SKP2: variants seen among roughly 807,000 people sequenced by gnomAD.
SKP2 encodes S-phase kinase associated protein 2.
Under a neutral mutation model 51.8 loss-of-function variants are expected in SKP2, and 16 were observed. The ratio of observed to expected loss-of-function variants is 0.31; its 90% confidence interval spans 0.21 to 0.47. The LOEUF (loss-of-function observed/expected upper bound fraction) is 0.47, where lower values mean the gene tolerates loss of function less well. SKP2 is among the 20% of genes least tolerant of loss of function. SKP2 has a pLI of 1.00. For synonymous variants in SKP2, 176 were observed against 198.6 expected, an observed-to-expected ratio of 0.89 and a Z score of 0.96; for missense variants, 377 against 505.3, an observed-to-expected ratio of 0.75 and a Z score of 2.43.
intron 5 of SKP2, among the ~76,000 whole-genome samples, chr5:36,168,754 A>C (rs1745376282): frequency 6.6e-6 from 1 of 152,236 alleles, no homozygotes; most frequent in African/African-American, 2.4e-5. Flanking sequence ...AATGCTGGTT[A>C]AGCTATAGTT....
chr5:36,163,973 C>T (rs984338590), intron 3 of SKP2, among the ~76,000 whole-genome samples: 1 of 152,148 alleles, frequency 6.6e-6, no homozygotes, highest in South Asian at 2.1e-4. Context: ...AACCTCTTTG[C>T]CCTGTATTCA....
intron 2 of SKP2, among the ~76,000 whole-genome samples, chr5:36,159,033 T>G (rs1039795228): frequency 1.3e-5 from 2 of 152,228 alleles, no homozygotes; most frequent in African/African-American, 4.8e-5. Flanking sequence ...AATAAATACA[T>G]TTGGCAAATA....
intron 7 of SKP2, among the ~76,000 whole-genome samples, chr5:36,176,104 A>G (rs1745624651): frequency 6.6e-6 from 1 of 152,044 alleles, no homozygotes; most frequent in Admixed American, 6.6e-5. Context: ...CTACTTTATA[A>G]TAGAATTTTT....
chr5:36,183,075 G>C lies in SKP2; in HGVS notation c.*1044G>C, dbSNP rs952677167. 8 of 976,354 alleles carry C rather than the reference G, an allele frequency of 8.2e-6. No individual in the cohort carries two copies. The highest frequency in any genetic ancestry group is 1.8e-5 in the African/African-American group (1 of 56,932). 60.5% of individuals were successfully genotyped at this position (976,354 alleles called of 1,614,324 possible). ...GGTTATCAGACCTACAGTTCCCTAA[G>C]AGGAACTGCATGTTCTCTTCAATCA... On this transcript the variant is annotated 3_prime_UTR_variant, in exon 10 of 10. Coordinates refer to ENST00000274255, the MANE Select transcript of SKP2 (RefSeq NM_005983.4).
At chr5:36,157,620 C>A (rs1744993586) in intron 2 of SKP2, among the ~76,000 whole-genome samples, 1 of 152,056 alleles carries the variant, frequency 6.6e-6, no homozygotes, top group Non-Finnish European at 1.5e-5. Context: ...TTAAAACAAG[C>A]CAGCAAAAGC....
Position 36,182,243 on chromosome 5 carries a change from A to C in SKP2, c.*212A>C. 1.5e-6 allele frequency: 2 copies of C among 1,345,524 alleles called. No homozygotes were observed. Among genetic ancestry groups the C allele is most frequent in the South Asian group, 3.9e-5 (2 of 50,912 alleles). 83.3% of individuals were successfully genotyped at this position (1,345,524 alleles called of 1,614,324 possible). The stretch of plus-strand genomic sequence containing the variant: ...TATCACTGCTTTGCTCTTAAGAGCC[A>C]AAGTTGTAGGCCTTTTGAAATTTTA... On this transcript the variant is annotated 3_prime_UTR_variant, in exon 10 of 10. Transcript: ENST00000274255.
intron 7 of SKP2, chr5:36,193,108 T>C (rs943817727): frequency 1.3e-5 from 2 of 151,884 alleles, no homozygotes; most frequent in African/African-American, 4.8e-5. Flanking sequence ...CCTATTAATA[T>C]GTTACATATT....
Position 36,183,136 on chromosome 5 carries a change from A to T in SKP2, c.*1105A>T. Reference sequence around the variant, plus strand: ...GTAGAAGCAGGTATATCTTCCATGCAGTTTCAGTAGTAAGCACTACTTATA... The same window carrying T: ...GTAGAAGCAGGTATATCTTCCATGCTGTTTCAGTAGTAAGCACTACTTATA... On this transcript the variant is annotated 3_prime_UTR_variant, in exon 10 of 10. Coordinates refer to ENST00000274255, the MANE Select transcript of SKP2 (RefSeq NM_005983.4). 1.0e-6 allele frequency: 1 copy of T among 982,688 alleles called. No homozygotes were observed. The allele number at this position is 982,688 out of a possible 1,614,324, so 60.9% of individuals were successfully genotyped here. A position where few individuals can be genotyped will look rare whatever the true frequency, so the allele number is the denominator to read the frequency against.
At chr5:36,189,077 A>G (rs760684890), downstream of SKP2, among the ~76,000 whole-genome samples, 3 of 152,166 alleles carry the variant, frequency 2.0e-5, no homozygotes, top group Non-Finnish European at 2.9e-5. Flanking sequence ...CAGCTCCATC[A>G]GGTTATTTAA....
intron 9 of SKP2, among the ~76,000 whole-genome samples, chr5:36,178,714 G>T (rs935738467): frequency 6.6e-6 from 1 of 152,070 alleles, no homozygotes; most frequent in Non-Finnish European, 1.5e-5. Flanking sequence ...CCCCTGGGGA[G>T]TGTGGTGATC....
intron 6 of SKP2, among the ~76,000 whole-genome samples, chr5:36,189,714 C>G (rs756101161): frequency 1.2e-4 from 19 of 152,210 alleles, no homozygotes; most frequent in Non-Finnish European, 2.5e-4. Flanking sequence ...ATCTCAAACT[C>G]TGTGCTGGGA....
chr5:36,153,342 C>T (rs893617254), intron 2 of SKP2, among the ~76,000 whole-genome samples: 1 of 152,110 alleles, frequency 6.6e-6, no homozygotes, highest in South Asian at 2.1e-4. Context: ...AAGGCCAGCT[C>T]AGTTTCACCG....
At chr5:36,158,313 A>C (rs1444988418) in intron 2 of SKP2, among the ~76,000 whole-genome samples, 2 of 152,384 alleles carry the variant, frequency 1.3e-5, no homozygotes, top group East Asian at 3.9e-4. Context: ...TAATGTTTTG[A>C]GAATTAAATA....
In SKP2 at chr5:36,182,942, G is replaced by A. The variant is rs1229982954; in HGVS notation, c.*911G>A. The A allele has an allele frequency of 4.1e-6, 4 of 975,754 alleles. No homozygotes were observed. Among genetic ancestry groups the A allele is most frequent in the Non-Finnish European group, 4.9e-6 (4 of 821,256 alleles). The allele number at this position is 975,754 out of a possible 1,614,324, so 60.4% of individuals were successfully genotyped here. A position where few individuals can be genotyped will look rare whatever the true frequency, so the allele number is the denominator to read the frequency against. On this transcript the variant is annotated 3_prime_UTR_variant, in exon 10 of 10. Transcript: ENST00000274255. ...TTGCCTGCTGTTTTCCTTTAGCGCT[G>A]AGGTTCTTAAGGTTACTTTTATATT...
chr5:36,157,595 A>G (rs76812715), intron 2 of SKP2, among the ~76,000 whole-genome samples: 3,172 of 152,332 alleles, frequency 0.021, 41 homozygotes, highest in Non-Finnish European at 0.032. Flanking sequence ...GAAAGAAAGC[A>G]TGGGGTATTG....
At chr5:36,156,718 T>A (rs1444446933) in intron 2 of SKP2, among the ~76,000 whole-genome samples, 1 of 152,172 alleles carries the variant, frequency 6.6e-6, no homozygotes, top group Non-Finnish European at 1.5e-5. Context: ...AATTTGTTGA[T>A]CAGCTCTTCC....
chr5:36,169,858 C>A (rs1467131420), intron 5 of SKP2, among the ~76,000 whole-genome samples: 1 of 152,116 alleles, frequency 6.6e-6, no homozygotes, highest in Non-Finnish European at 1.5e-5. Context: ...CCTAGTGATA[C>A]AATATTCCAG....
At chr5:36,179,654 A>T (rs942416794) in intron 9 of SKP2, among the ~76,000 whole-genome samples, 5 of 152,164 alleles carry the variant, frequency 3.3e-5, no homozygotes, top group African/African-American at 1.2e-4. Context: ...AAGATTTTAT[A>T]AGGAAAACAG....
chr5:36,170,693 A>G (rs1490836727), intron 6 of SKP2, among the ~76,000 whole-genome samples: 1 of 150,438 alleles, frequency 6.6e-6, no homozygotes, highest in Non-Finnish European at 1.5e-5. Context: ...AGGGAAGTGT[A>G]GTAGTGTCTA....
Sources: allele counts gnomAD v4.1 joint callset (sites outside exome capture counted in the v4.1 genomes callset), GRCh38; gene constraint gnomAD v4.1.1; transcripts MANE v1.5; gene names NCBI Gene and HGNC (gene_info 2026-07-23, HGNC 2026-07-21).